PRDM16: variants seen among roughly 807,000 people sequenced by gnomAD.
PRDM16 encodes the protein histone-lysine N-methyltransferase PRDM16.
Under a neutral mutation model 110.6 loss-of-function variants are expected in PRDM16, and 23 were observed. That is an observed-to-expected ratio of 0.21 (90% CI 0.15 to 0.29). The LOEUF is 0.29. PRDM16 is among the 10% of genes least tolerant of loss of function. PRDM16 has a pLI of 1.00. For synonymous variants in PRDM16, 799 were observed against 781.8 expected (o/e 1.02, Z -0.37); for missense variants, 1,615 against 1,794.3 (o/e 0.90, Z 1.81).
intron 1 of PRDM16, among the ~76,000 whole-genome samples, chr1:3,183,142 C>T (rs1232271184): frequency 6.6e-6 from 1 of 152,230 alleles, no homozygotes; most frequent in Non-Finnish European, 1.5e-5. Flanking sequence ...TGAGAGAGTG[C>T]CTGCTGGAAA....
At chr1:3,115,183 A>G (rs1569592494) in intron 1 of PRDM16, among the ~76,000 whole-genome samples, 1 of 152,152 alleles carries the variant, frequency 6.6e-6, no homozygotes, top group East Asian at 1.9e-4. Context: ...GATGGCACCC[A>G]TCACCCTGTG....
At chr1:3,181,912 G>T (rs965763916) in intron 1 of PRDM16, among the ~76,000 whole-genome samples, 4 of 105,560 alleles carry the variant, frequency 3.8e-5, no homozygotes, top group Admixed American at 2.1e-4. Context: ...TCTTACACAC[G>T]CAGTCTTACA....
At chr1:3,114,191 A>ACACGCACACGCACGCG (rs1553127265) in intron 1 of PRDM16, among the ~76,000 whole-genome samples, 161 of 131,778 alleles carry the variant, frequency 1.2e-3, no homozygotes, top group Non-Finnish European at 1.9e-3. Flanking sequence ...ACACGCACAC[A>ACACGCACACGCACGCG]CGCACACGCA....
chr1:3,277,524 G>A (rs886837638), intron 3 of PRDM16, among the ~76,000 whole-genome samples: 1 of 152,228 alleles, frequency 6.6e-6, no homozygotes, highest in African/African-American at 2.4e-5. Flanking sequence ...CCCCAGGCTG[G>A]CCCCGACCCT....
chr1:3,234,734 C>T (rs1377144720), intron 2 of PRDM16, among the ~76,000 whole-genome samples: 2 of 152,214 alleles, frequency 1.3e-5, no homozygotes, highest in Non-Finnish European at 1.5e-5. Context: ...GTAAATTCTA[C>T]AAGGAGAGCT....
intron 1 of PRDM16, among the ~76,000 whole-genome samples, chr1:3,104,691 C>T (rs1642610434): frequency 6.8e-6 from 1 of 146,168 alleles, no homozygotes; most frequent in African/African-American, 2.6e-5. Context: ...GCAGGCCCCT[C>T]TGGGCTACAA....
intron 3 of PRDM16, among the ~76,000 whole-genome samples, chr1:3,299,686 C>T (rs1192476820): frequency 4.7e-5 from 6 of 126,842 alleles, no homozygotes; most frequent in African/African-American, 9.3e-5. Context: ...CGATCCCAGT[C>T]GTGGTGACTC....
chr1:3,114,255 C>T lies in PRDM16; in HGVS notation c.37+44959C>T, dbSNP rs550977222. Among the ~76,000 whole-genome samples, 255 of 143,504 alleles carry T rather than the reference C, an allele frequency of 1.8e-3. 3 individuals are homozygous for T. The highest frequency in any genetic ancestry group is 6.1e-3 in the African/African-American group (231 of 37,940). 94.1% of individuals were successfully genotyped at this position (143,504 alleles called of 152,430 possible). A position where few individuals can be genotyped will look rare whatever the true frequency, so the allele number is the denominator to read the frequency against. On this transcript the variant is annotated intron_variant, in intron 1 of 16. Transcript: ENST00000270722. ...CACACGCAGTGTAAACATGCACACG[C>T]ACGCGCACACGTACACACACGCACA...
intron 3 of PRDM16, among the ~76,000 whole-genome samples, chr1:3,316,117 C>T (rs1570054257): frequency 8.3e-6 from 1 of 120,092 alleles, no homozygotes; most frequent in Non-Finnish European, 1.6e-5. Flanking sequence ...ACGTTTCAGG[C>T]AGGAATCGTC....
chr1:3,242,694 C>T (rs765117779), intron 2 of PRDM16, among the ~76,000 whole-genome samples: 1 of 152,230 alleles, frequency 6.6e-6, no homozygotes, highest in Admixed American at 6.5e-5. Context: ...TGACTGGGAA[C>T]GCCAGCTCGT....
At chr1:3,387,324 G>A (rs1244595888) in intron 4 of PRDM16, among the ~76,000 whole-genome samples, 2 of 152,116 alleles carry the variant, frequency 1.3e-5, no homozygotes, top group South Asian at 2.1e-4. Flanking sequence ...CTCCAACACC[G>A]CCTCAAGGGA....
At chr1:3,315,968 G>A (rs535187151) in intron 3 of PRDM16, among the ~76,000 whole-genome samples, 1 of 152,280 alleles carries the variant, frequency 6.6e-6, no homozygotes, top group South Asian at 2.1e-4. Context: ...TCAGGGGACA[G>A]TATCAGGCTT....
intron 3 of PRDM16, among the ~76,000 whole-genome samples, chr1:3,260,016 C>T (rs1640126637): frequency 6.6e-6 from 1 of 152,190 alleles, no homozygotes; most frequent in Non-Finnish European, 1.5e-5. Context: ...CAGCATCACA[C>T]ACCCTTCCCA....
intron 1 of PRDM16, among the ~76,000 whole-genome samples, chr1:3,181,962 GC>G (rs1644214917): frequency 6.6e-6 from 1 of 151,930 alleles, no homozygotes; most frequent in Non-Finnish European, 1.5e-5. Flanking sequence ...TCTTACACAT[GC>G]CTTACACATG....
chr1:3,188,963 C>T (rs1474651769), intron 2 of PRDM16, among the ~76,000 whole-genome samples: 1 of 152,218 alleles, frequency 6.6e-6, no homozygotes, highest in Non-Finnish European at 1.5e-5. Flanking sequence ...GACATCTTAC[C>T]CTTAAGCAGC....
intron 1 of PRDM16, among the ~76,000 whole-genome samples, chr1:3,089,589 T>C (rs1410424229): frequency 6.6e-6 from 1 of 152,240 alleles, no homozygotes; most frequent in Non-Finnish European, 1.5e-5. Flanking sequence ...TCTACAATAG[T>C]GTTTCTAATT....
chr1:3,089,182 C>T (rs755372042), intron 1 of PRDM16, among the ~76,000 whole-genome samples: 1 of 152,258 alleles, frequency 6.6e-6, no homozygotes, highest in Non-Finnish European at 1.5e-5. Context: ...CCCTCCGACT[C>T]GACGTCTGAA....
intron 1 of PRDM16, among the ~76,000 whole-genome samples, chr1:3,146,971 C>G (rs1473571602): frequency 1.6e-5 from 1 of 62,976 alleles, no homozygotes; most frequent in Non-Finnish European, 2.9e-5. Context: ...CACGTGTGCT[C>G]GGTGTGGGGT....
chr1:3,277,992 C>T (rs542285400), intron 3 of PRDM16, among the ~76,000 whole-genome samples: 1 of 152,320 alleles, frequency 6.6e-6, no homozygotes, highest in Non-Finnish European at 1.5e-5. Context: ...TGCTAGCAGG[C>T]CATGGGACCC....
Sources: allele counts gnomAD v4.1 joint callset (sites outside exome capture counted in the v4.1 genomes callset), GRCh38; gene constraint gnomAD v4.1.1; transcripts MANE v1.5; gene names NCBI Gene and HGNC (gene_info 2026-07-23, HGNC 2026-07-21).